The following EHBP1 variants were observed in gnomAD, a reference collection of about 807,000 sequenced individuals.
The protein encoded by EHBP1 is EH domain binding protein 1.
In EHBP1, 55 loss-of-function variants were observed where a neutral mutation model predicts 144.0. The observed-to-expected ratio is 0.38, with a 90% CI of 0.31 to 0.48. The LOEUF is 0.48. Ranked by LOEUF, EHBP1 falls within the 20% of genes least tolerant of loss-of-function variation. The pLI is 0.98. For missense variants in EHBP1, 1,200 were observed against 1,364.2 expected (o/e 0.88, Z 1.90); for synonymous variants, 469 against 472.7 (o/e 0.99, Z 0.10).
intron 2 of EHBP1, among the ~76,000 whole-genome samples, chr2:62,740,787 G>C (rs927889870): frequency 6.6e-6 from 1 of 152,124 alleles, no homozygotes; most frequent in Non-Finnish European, 1.5e-5. Flanking sequence ...GGCTTTCCAA[G>C]TTTTGAGGTA....
intron 3 of EHBP1, among the ~76,000 whole-genome samples, chr2:62,749,631 A>G (rs1317159454): frequency 6.6e-6 from 1 of 152,172 alleles, no homozygotes; most frequent in African/African-American, 2.4e-5. Context: ...ATTTCTCCAC[A>G]TCCTCTCCAG....
intron 5 of EHBP1, among the ~76,000 whole-genome samples, chr2:62,806,912 C>T (rs75092134): frequency 0.099 from 15,119 of 152,076 alleles, 998 homozygotes; most frequent in Non-Finnish European, 0.14. Flanking sequence ...ATTCTTTTTA[C>T]TTATATATAA....
chr2:63,036,521 A>G (rs1375034179), intron 19 of EHBP1, among the ~76,000 whole-genome samples: 1 of 151,976 alleles, frequency 6.6e-6, no homozygotes, highest in Non-Finnish European at 1.5e-5. Context: ...AATTTTTAAT[A>G]GATATTTAAA....
chr2:63,031,618 A>G (rs1465277795), intron 19 of EHBP1, among the ~76,000 whole-genome samples: 2 of 152,182 alleles, frequency 1.3e-5, no homozygotes, highest in African/African-American at 4.8e-5. Flanking sequence ...CATCATCCAT[A>G]TGTAATTTAA....
intron 10 of EHBP1, among the ~76,000 whole-genome samples, chr2:62,896,805 T>C (rs1449429184): frequency 1.3e-5 from 2 of 152,132 alleles, no homozygotes; most frequent in Non-Finnish European, 2.9e-5. Flanking sequence ...TTAAGTCTAC[T>C]CCAAACAGGC....
At chr2:62,710,853 A>G (rs1330211254) in intron 2 of EHBP1, among the ~76,000 whole-genome samples, 1 of 152,220 alleles carries the variant, frequency 6.6e-6, no homozygotes, top group Non-Finnish European at 1.5e-5. Flanking sequence ...TATGAAGACC[A>G]AATTACATTA....
intron 15 of EHBP1, among the ~76,000 whole-genome samples, chr2:62,981,864 T>C (rs2058987218): frequency 6.6e-6 from 1 of 151,882 alleles, no homozygotes. Flanking sequence ...TCCTGAGGAG[T>C]CAGGTTTCTT....
At chr2:62,808,692 T>TA (rs1193797898) in intron 5 of EHBP1, among the ~76,000 whole-genome samples, 1 of 152,180 alleles carries the variant, frequency 6.6e-6, no homozygotes, top group Non-Finnish European at 1.5e-5. Flanking sequence ...TTTTTCTTGA[T>TA]AGCCAGATGT....
In EHBP1 at chr2:63,038,769, G is replaced by T. The variant is rs2061544748; in HGVS notation, c.3230G>T (p.Arg1077Leu). 4.3e-6 allele frequency: 7 copies of T among 1,613,364 alleles called. No homozygotes were observed. Among genetic ancestry groups the T allele is most frequent in the Non-Finnish European group, 5.1e-6 (6 of 1,179,484 alleles). Residue 1077 changes from arginine to leucine, a missense_variant, in exon 21 of 23, where the codon CGG becomes CTG. Around this residue, in one of 6 missense-constraint regions of EHBP1, gnomAD observed 149 missense variants for 217.0 expected, o/e 0.69. Coordinates refer to ENST00000431489, the MANE Select transcript of EHBP1 (RefSeq NM_001142616.3). ...GAAAAAGAACATGATTTAGAACGACGGTATGAGCTGCTGAACCGGGAATTG... is the reference window on the plus strand; with the variant it reads ...GAAAAAGAACATGATTTAGAACGACTGTATGAGCTGCTGAACCGGGAATTG... The part of the protein sequence containing the change: ...LLEKEHDLER[R>L]YELLNRELRA...
chr2:62,700,552 G>A (rs888581162), intron 1 of EHBP1, among the ~76,000 whole-genome samples: 1 of 152,050 alleles, frequency 6.6e-6, no homozygotes, highest in Admixed American at 6.6e-5. Flanking sequence ...GTTGATTTTG[G>A]ATCATCAGCA....
At chr2:62,825,975 A>T (rs2046317189) in intron 5 of EHBP1, 112 bp from the exon 6 acceptor site, 1 of 695,750 alleles carries the variant, frequency 1.4e-6, no homozygotes, top group Non-Finnish European at 2.2e-6. Flanking sequence ...GGAATGTAAT[A>T]GGAGAAGGAA....
intron 5 of EHBP1, among the ~76,000 whole-genome samples, chr2:62,794,693 T>C (rs2152466094): frequency 6.6e-6 from 1 of 152,150 alleles, no homozygotes; most frequent in African/African-American, 2.4e-5. Flanking sequence ...ATATTTACTA[T>C]TGAATCTTCT....
At chr2:62,815,201 AC>A (rs2045348072) in intron 5 of EHBP1, among the ~76,000 whole-genome samples, 1 of 152,072 alleles carries the variant, frequency 6.6e-6, no homozygotes, top group Non-Finnish European at 1.5e-5. Flanking sequence ...GTCTAATAAG[AC>A]CCCCTTGTTG....
chr2:62,772,896 A>G (rs987389464), intron 5 of EHBP1, among the ~76,000 whole-genome samples: 1 of 152,204 alleles, frequency 6.6e-6, no homozygotes, highest in African/African-American at 2.4e-5. Flanking sequence ...GTTTAGGACT[A>G]AAGAGCTGAG....
chr2:62,794,427 ACT>A (rs2043394165), intron 5 of EHBP1, among the ~76,000 whole-genome samples: 1 of 152,036 alleles, frequency 6.6e-6, no homozygotes, highest in African/African-American at 2.4e-5. Flanking sequence ...TTTCTCACTA[ACT>A]CTTCTTATGT....
intron 1 of EHBP1, among the ~76,000 whole-genome samples, chr2:62,689,297 G>C (rs1387933970): frequency 6.6e-6 from 1 of 152,166 alleles, no homozygotes; most frequent in Non-Finnish European, 1.5e-5. Context: ...AAGGAGGCTG[G>C]TTCAGAATCT....
intron 9 of EHBP1, among the ~76,000 whole-genome samples, chr2:62,871,746 A>G (rs1476023296): frequency 6.6e-6 from 1 of 152,186 alleles, no homozygotes; most frequent in Non-Finnish European, 1.5e-5. Context: ...GATGTGTGGA[A>G]CTACCTTTAG....
chr2:62,986,939 G>GA (rs2059220788), intron 15 of EHBP1, among the ~76,000 whole-genome samples: 2 of 151,884 alleles, frequency 1.3e-5, no homozygotes, highest in East Asian at 3.9e-4. Flanking sequence ...TTATCAATTG[G>GA]AAAAAAATCT....
At chr2:62,877,655 C>T (rs183774069) in intron 10 of EHBP1, among the ~76,000 whole-genome samples, 162 of 152,258 alleles carry the variant, frequency 1.1e-3, no homozygotes, top group Non-Finnish European at 2.0e-3. Context: ...TACCTTCAGA[C>T]CACAGCACAA....
Sources: gnomAD v4.1 joint callset for allele counts (sites outside exome capture counted in the v4.1 genomes callset) on GRCh38, gnomAD v4.1.1 for gene constraint, gnomAD v4.1.1 regional missense constraint, MANE v1.5 for transcripts, NCBI Gene and HGNC (gene_info 2026-07-23, HGNC 2026-07-21) for gene names.